TOM1L2: variants seen among roughly 807,000 people sequenced by gnomAD.
The protein encoded by TOM1L2 is target of myb1 like 2 membrane trafficking protein.
In TOM1L2, 31 loss-of-function variants were observed where a neutral mutation model predicts 67.9. The ratio of observed to expected loss-of-function variants is 0.46; its 90% CI spans 0.34 to 0.62. The LOEUF is 0.62. TOM1L2 is among the 20% of genes least tolerant of loss of function. The probability of loss-of-function intolerance (pLI) is 0.01; values close to 1 mark genes in which losing one functional copy is unlikely to be tolerated. For missense variants in TOM1L2, 606 were observed against 663.5 expected (o/e 0.91, Z 0.95); for synonymous variants, 256 against 254.0 (o/e 1.01, Z -0.07).
chr17:17,916,411 T>C (rs2039632152), intron 1 of TOM1L2, among the ~76,000 whole-genome samples: 1 of 152,154 alleles, frequency 6.6e-6, no homozygotes, highest in South Asian at 2.1e-4. Context: ...CGCTCTTATG[T>C]TTAGGTCTTT....
intron 1 of TOM1L2, among the ~76,000 whole-genome samples, chr17:17,953,541 C>T (rs1333611892): frequency 6.6e-6 from 1 of 152,164 alleles, no homozygotes; most frequent in Non-Finnish European, 1.5e-5. Context: ...AAATAGGGAC[C>T]ACCATGGGGG....
intron 1 of TOM1L2, among the ~76,000 whole-genome samples, chr17:17,959,658 C>T (rs2041607976): frequency 6.6e-6 from 1 of 152,184 alleles, no homozygotes; most frequent in African/African-American, 2.4e-5. Context: ...TGTGTGATTT[C>T]TCCTTTGAGG....
chr17:17,873,515 G>A (rs2037259216), intron 7 of TOM1L2, among the ~76,000 whole-genome samples: 1 of 152,176 alleles, frequency 6.6e-6, no homozygotes, highest in Non-Finnish European at 1.5e-5. Context: ...GGCCTCAAGG[G>A]TGGTTCACTG....
chr17:17,960,553 G>A (rs1442126553), intron 1 of TOM1L2, among the ~76,000 whole-genome samples: 1 of 152,110 alleles, frequency 6.6e-6, no homozygotes, highest in African/African-American at 2.4e-5. Context: ...GCCCAGACTG[G>A]TCTCGAACTC....
intron 4 of TOM1L2, among the ~76,000 whole-genome samples, chr17:17,890,501 T>A (rs148425871): frequency 6.6e-6 from 1 of 152,318 alleles, no homozygotes; most frequent in African/African-American, 2.4e-5. Context: ...ACCCCCAAAC[T>A]GCAAACACCA....
chr17:17,904,233 G>A (rs2038987206), intron 2 of TOM1L2, among the ~76,000 whole-genome samples: 1 of 152,168 alleles, frequency 6.6e-6, no homozygotes, highest in Non-Finnish European at 1.5e-5. Context: ...AGGAGCTTTA[G>A]CCACTTGAAG....
Position 17,855,731 on chromosome 17 carries a change from A to G in TOM1L2, c.1279-4779T>C, listed in dbSNP as rs114183672. On this transcript the variant is annotated intron_variant, in intron 12 of 14. Transcript: ENST00000379504. ...AGGAAACCCACCTGTCCAGTTTTCA[A>G]TGTAACAAGAACAATTTCTGTAGCT... Among the ~76,000 whole-genome samples the G allele has an allele frequency of 2.2e-3, 332 of 152,314 alleles. 2 individuals are homozygous for G. The highest frequency in any genetic ancestry group is 7.7e-3 in the African/African-American group (320 of 41,574).
rs1225770983 is a variant in TOM1L2 at position 17,937,045 on chromosome 17, T to G, written c.53-29514A>C. ...CACGATCTTTCTGCTTAGGGTCTCC[T>G]GACCCATAGCATGTTGTGACAAATG... is the stretch of plus-strand genomic sequence containing the variant. On this transcript the variant is annotated intron_variant, in intron 1 of 14. Coordinates refer to ENST00000379504, the MANE Select transcript of TOM1L2 (RefSeq NM_001082968.2). 2.6e-5 allele frequency among the ~76,000 whole-genome samples: 4 copies of G among 152,216 alleles called. No homozygotes were observed. In the East Asian group the frequency reaches 5.8e-4, roughly 22 times the overall value.
chr17:17,942,894 C>T (rs2040794141), intron 1 of TOM1L2, among the ~76,000 whole-genome samples: 1 of 152,126 alleles, frequency 6.6e-6, no homozygotes, highest in African/African-American at 2.4e-5. Context: ...GGCTCAGAGA[C>T]ATGAAGACTG....
At chr17:17,918,960 G>C (rs1201361231) in intron 1 of TOM1L2, among the ~76,000 whole-genome samples, 1 of 152,190 alleles carries the variant, frequency 6.6e-6, no homozygotes, top group Non-Finnish European at 1.5e-5. Context: ...GCCCCCAGGT[G>C]ACAGGCACTG....
intron 1 of TOM1L2, among the ~76,000 whole-genome samples, chr17:17,940,082 G>A (rs8070624): frequency 0.61 from 92,390 of 151,096 alleles, 31,349 homozygotes; most frequent in East Asian, 0.94. Flanking sequence ...AATCCCAGCT[G>A]CCTGAGAGGC....
At chr17:17,959,097 T>C (rs1277731230) in intron 1 of TOM1L2, among the ~76,000 whole-genome samples, 1 of 152,122 alleles carries the variant, frequency 6.6e-6, no homozygotes, top group Non-Finnish European at 1.5e-5. Flanking sequence ...GTCACGAAAA[T>C]GTAAGTAAAG....
chr17:17,961,493 C>T (rs574145618), intron 1 of TOM1L2, among the ~76,000 whole-genome samples: 6 of 151,788 alleles, frequency 4.0e-5, no homozygotes, highest in Non-Finnish European at 7.4e-5. Flanking sequence ...GAGGATTGCT[C>T]GAGTTCAGAA....
chr17:17,889,893 A>G (rs1432021786), intron 4 of TOM1L2, among the ~76,000 whole-genome samples: 1 of 152,108 alleles, frequency 6.6e-6, no homozygotes, highest in Non-Finnish European at 1.5e-5. Context: ...TCCTGATACC[A>G]CGATGGTGCA....
intron 12 of TOM1L2, among the ~76,000 whole-genome samples, chr17:17,854,899 T>A (rs2036182722): frequency 6.6e-6 from 1 of 152,074 alleles, no homozygotes; most frequent in African/African-American, 2.4e-5. Context: ...CTGAGGGATC[T>A]GAAGAAGCGT....
chr17:17,864,298 C>G (rs572046618), intron 10 of TOM1L2, among the ~76,000 whole-genome samples: 114 of 151,792 alleles, frequency 7.5e-4, no homozygotes, highest in African/African-American at 2.5e-3. Context: ...GCAAGCTCCG[C>G]CTCCCGGGTT....
chr17:17,862,839 G>A lies in TOM1L2; in HGVS notation c.1094C>T (p.Thr365Ile). The change falls in exon 11 of 15, where the codon ACA becomes ATA. Residue 365 changes from threonine (T) to isoleucine (I), a missense_variant. By Grantham distance (89) the Thr-to-Ile change is moderately conservative. Around this residue, in one of 2 missense-constraint regions of TOM1L2, gnomAD observed 543 missense variants for 554.0 expected, o/e 0.98. Coordinates refer to ENST00000379504, the MANE Select transcript of TOM1L2 (RefSeq NM_001082968.2). ...SSQLAGLDLG[T>I]ESVSGTLSSL... is the part of the protein sequence containing the mutation. The stretch of plus-strand genomic sequence containing the variant: ...ACTGAGGGTGCCACTGACGCTCTCT[G>A]TCCCCAAGTCTGTGGCAACAAAACA... 3 of 1,613,952 alleles carry A rather than the reference G, an allele frequency of 1.9e-6. No individual in the cohort carries two copies. The highest frequency in any genetic ancestry group is 2.5e-6 in the Non-Finnish European group (3 of 1,179,884).
At chr17:17,910,803 A>C (rs1484751024) in intron 1 of TOM1L2, among the ~76,000 whole-genome samples, 3 of 152,100 alleles carry the variant, frequency 2.0e-5, no homozygotes, top group Non-Finnish European at 2.9e-5. Context: ...TCCTGACCTC[A>C]GGTGCTCCAC....
rs147404282 is a variant in TOM1L2, at chr17:17,870,212, G to A, written c.778-739C>T. On this transcript the variant is annotated intron_variant, in intron 7 of 14. Transcript: ENST00000379504. ...CCTGGCTGGCCGAAAGAGGAAATTC[G>A]CACACCCCCGGTTGCCCCTGGAGCC... Among the ~76,000 whole-genome samples the A allele has an allele frequency of 4.2e-3, 644 of 152,190 alleles. 3 individuals carry two copies. Among genetic ancestry groups the A allele is most frequent in the Admixed American group, 6.5e-3 (99 of 15,288 alleles).
Sources: allele counts gnomAD v4.1 joint callset (sites outside exome capture counted in the v4.1 genomes callset), GRCh38; gene constraint gnomAD v4.1.1; regional missense constraint gnomAD v4.1.1; transcripts MANE v1.5; gene names NCBI Gene and HGNC (gene_info 2026-07-23, HGNC 2026-07-21).